The following GNB5 variants were observed in gnomAD, a reference collection of about 807,000 sequenced individuals.
GNB5 encodes the protein guanine nucleotide-binding protein subunit beta-5.
Under a neutral mutation model 55.3 loss-of-function variants are expected in GNB5, and 37 were observed. The observed-to-expected ratio is 0.67, with a 90% CI of 0.51 to 0.88. The LOEUF (loss-of-function observed/expected upper bound fraction) is 0.88, where lower values mean the gene tolerates loss of function less well. Ranked by LOEUF, GNB5 falls within the 40% of genes least tolerant of loss-of-function variation. The pLI is 0.00. For missense variants in GNB5, 476 were observed against 515.3 expected (o/e 0.92, Z 0.74); for synonymous variants, 219 against 198.5 (o/e 1.10, Z -0.87).
chr15:52,157,706 T>G (rs1282912343), intron 3 of GNB5, among the ~76,000 whole-genome samples: 1 of 152,120 alleles, frequency 6.6e-6, no homozygotes, highest in African/African-American at 2.4e-5. Context: ...AAAAAGATGA[T>G]TCACCCAACC....
chr15:52,160,161 C>T (rs1398725083), intron 3 of GNB5, among the ~76,000 whole-genome samples: 2 of 151,872 alleles, frequency 1.3e-5, no homozygotes, highest in Admixed American at 6.6e-5. Flanking sequence ...TTGGCCAGGC[C>T]GGTCTCGAAC....
At chr15:52,166,673 AC>A (rs922505020) in intron 3 of GNB5, among the ~76,000 whole-genome samples, 2 of 152,232 alleles carry the variant, frequency 1.3e-5, no homozygotes, top group African/African-American at 4.8e-5. Context: ...TCTCTAGGAC[AC>A]AGCTAAAGCA....
intron 11 of GNB5, 139 bp from the exon 12 acceptor site, chr15:52,124,778 C>A: frequency 1.4e-6 from 1 of 694,132 alleles, no homozygotes; most frequent in Admixed American, 2.6e-5. Context: ...CTCAAGGATT[C>A]AAAGGGGAGA....
intron 9 of GNB5, among the ~76,000 whole-genome samples, chr15:52,129,298 C>T (rs558417490): frequency 1.3e-5 from 2 of 152,254 alleles, no homozygotes; most frequent in East Asian, 3.9e-4. Context: ...TATAGTTCCA[C>T]AAAAGCCGCA....
intron 6 of GNB5, among the ~76,000 whole-genome samples, chr15:52,145,747 C>T (rs768187508): frequency 3.9e-5 from 6 of 152,100 alleles, no homozygotes; most frequent in Non-Finnish European, 8.8e-5. Flanking sequence ...CCAAAGCAGC[C>T]ACCCTAAGGG....
At position 52,117,078 on chromosome 15, in the gene GNB5, C is replaced by T. The variant is rs1482923273; in HGVS notation, c.*5679G>A. On this transcript the variant is annotated 3_prime_UTR_variant, in exon 13 of 13. Transcript: ENST00000261837. ...AGCTGGGACTACAGGCACCTGCCAC[C>T]ACGCCCAGCTAATATATATATATAT... The T allele has an allele frequency of 1.6e-5, 2 of 121,936 alleles. No homozygotes were observed. Among genetic ancestry groups the T allele is most frequent in the Non-Finnish European group, 3.4e-5 (2 of 58,550 alleles). The allele number at this position is 121,936 out of a possible 1,614,324, so 7.6% of individuals were successfully genotyped here.
At chr15:52,141,369 A>G (rs1384546176) in intron 6 of GNB5, 97 bp from the exon 7 acceptor site, 2 of 1,011,776 alleles carry the variant, frequency 2.0e-6, no homozygotes, top group African/African-American at 3.2e-5. Context: ...TATTCTCTTT[A>G]GCAGTATCAT....
Position 52,119,420 on chromosome 15 carries a change from G to T in GNB5, c.*3337C>A, listed in dbSNP as rs1353508268. On this transcript the variant is annotated 3_prime_UTR_variant, in exon 13 of 13. Coordinates refer to ENST00000261837, the MANE Select transcript of GNB5 (RefSeq NM_016194.4). Reference sequence around the variant, plus strand: ...GGAGGAGATGGGAGGGAGGAGATGGGAGGGAGGAGGAGGAGATGGGAGGGA... The same window carrying T: ...GGAGGAGATGGGAGGGAGGAGATGGTAGGGAGGAGGAGGAGATGGGAGGGA... 3 of 61,816 alleles carry T rather than the reference G, an allele frequency of 4.9e-5. No homozygotes were observed. Among genetic ancestry groups the T allele is most frequent in the Admixed American group, 1.4e-4 (1 of 6,940 alleles). 3.8% of individuals were successfully genotyped at this position (61,816 alleles called of 1,614,324 possible). A position where few individuals can be genotyped will look rare whatever the true frequency, so the allele number is the denominator to read the frequency against.
chr15:52,161,433 G>C (rs139493658), intron 3 of GNB5, among the ~76,000 whole-genome samples: 5 of 152,310 alleles, frequency 3.3e-5, no homozygotes, highest in African/African-American at 9.6e-5. Flanking sequence ...AAGCAGCTGG[G>C]ATTACAGGCA....
At chr15:52,137,832 C>G (rs2033759959) in intron 7 of GNB5, 2 of 1,283,254 alleles carry the variant, frequency 1.6e-6, no homozygotes, top group African/African-American at 3.0e-5. Flanking sequence ...GAGAAGCTCT[C>G]CCTGCCTTCT....
chr15:52,172,305 T>C (rs1452545061), intron 3 of GNB5, among the ~76,000 whole-genome samples: 10 of 151,820 alleles, frequency 6.6e-5, no homozygotes, highest in African/African-American at 2.4e-4. Context: ...GGCTAATTTT[T>C]ATTTTTTTAT....
intron 10 of GNB5, among the ~76,000 whole-genome samples, chr15:52,126,609 C>T (rs765843439): frequency 5.3e-5 from 8 of 151,858 alleles, no homozygotes; most frequent in Admixed American, 2.0e-4. Flanking sequence ...TTAGCCAAAC[C>T]CTGTTGTTTT....
intron 3 of GNB5, among the ~76,000 whole-genome samples, chr15:52,179,518 TC>T (rs1318202544): frequency 2.6e-5 from 4 of 151,744 alleles, no homozygotes; most frequent in Admixed American, 6.5e-5. Flanking sequence ...CCCGCGGTCC[TC>T]CGCTAGCTGG....
At chr15:52,149,947 G>C in intron 4 of GNB5, 22 bp from the exon 5 acceptor site, 1 of 1,589,720 alleles carries the variant, frequency 6.3e-7, no homozygotes, top group Non-Finnish European at 8.6e-7. Flanking sequence ...AGAGCAAACA[G>C]TTTAGGGGTT....
At chr15:52,159,558 G>T (rs948873118) in intron 3 of GNB5, among the ~76,000 whole-genome samples, 4 of 152,174 alleles carry the variant, frequency 2.6e-5, no homozygotes, top group African/African-American at 9.7e-5. Flanking sequence ...GAATATTCTG[G>T]ATGCCAGTCC....
At chr15:52,175,707 C>G (rs189454883) in intron 3 of GNB5, among the ~76,000 whole-genome samples, 97 of 151,782 alleles carry the variant, frequency 6.4e-4, no homozygotes, top group Non-Finnish European at 1.2e-3. Context: ...CCACTGGACT[C>G]TAGCCTGGGC....
intron 3 of GNB5, among the ~76,000 whole-genome samples, chr15:52,164,223 G>A (rs2034401815): frequency 1.3e-5 from 2 of 150,036 alleles, no homozygotes; most frequent in Non-Finnish European, 3.0e-5. Flanking sequence ...CAGGAGAATC[G>A]CTTGAACCTG....
chr15:52,164,644 T>A (rs1416528596), intron 3 of GNB5, among the ~76,000 whole-genome samples: 1 of 151,048 alleles, frequency 6.6e-6, no homozygotes, highest in Non-Finnish European at 1.5e-5. Flanking sequence ...AATAAATAAA[T>A]AAAAATAAAA....
intron 3 of GNB5, among the ~76,000 whole-genome samples, chr15:52,176,548 G>A (rs989878509): frequency 3.9e-5 from 6 of 152,140 alleles, no homozygotes; most frequent in African/African-American, 1.2e-4. Flanking sequence ...CTGGGGTAAG[G>A]TAAGAGCGGC....
Sources: allele counts gnomAD v4.1 joint callset (sites outside exome capture counted in the v4.1 genomes callset), GRCh38; gene constraint gnomAD v4.1.1; transcripts MANE v1.5; gene names NCBI Gene and HGNC (gene_info 2026-07-23, HGNC 2026-07-21).